The following STK32B variants were observed in gnomAD, a reference collection of about 807,000 sequenced individuals.
The protein encoded by STK32B is serine/threonine-protein kinase 32B.
In STK32B, 43 loss-of-function variants were observed where a neutral mutation model predicts 52.6. That is an observed-to-expected ratio of 0.82 (90% CI 0.64 to 1.05). The LOEUF is 1.05. Ranked by LOEUF, STK32B falls within the 50% of genes least tolerant of loss-of-function variation. The probability of loss-of-function intolerance (pLI) is 0.00; values close to 1 mark genes in which losing one functional copy is unlikely to be tolerated. For synonymous variants in STK32B, 238 were observed against 204.3 expected (o/e 1.17, Z -1.41); for missense variants, 621 against 534.6 (o/e 1.16, Z -1.59).
chr4:5,197,456 A>C (rs1374356331), intron 3 of STK32B, among the ~76,000 whole-genome samples: 1 of 152,324 alleles, frequency 6.6e-6, no homozygotes, highest in Non-Finnish European at 1.5e-5. Context: ...CCAGTCCTTC[A>C]GTCTGTTCCT....
intron 3 of STK32B, among the ~76,000 whole-genome samples, chr4:5,201,895 G>A (rs1013419785): frequency 2.6e-5 from 4 of 152,132 alleles, no homozygotes; most frequent in East Asian, 1.9e-4. Context: ...TGATATTTGG[G>A]TGGGGTCACA....
At position 5,123,896 on chromosome 4, in the gene STK32B, C is replaced by T. The variant is rs77234241; in HGVS notation, c.53-16009C>T. Reference sequence around the variant, plus strand: ...ATCTCCTCATCCTCATGTCATTTCACCTTTTCACCATCCTCCCTCCTGCCT... The same window carrying T: ...ATCTCCTCATCCTCATGTCATTTCATCTTTTCACCATCCTCCCTCCTGCCT... On this transcript the variant is annotated intron_variant, in intron 1 of 11. Transcript: ENST00000282908. Among the ~76,000 whole-genome samples the T allele has an allele frequency of 5.9e-3, 899 of 152,196 alleles. 11 individuals carry two copies. Among genetic ancestry groups the T allele is most frequent in the African/African-American group, 0.02 (844 of 41,532 alleles).
intron 4 of STK32B, among the ~76,000 whole-genome samples, chr4:5,391,698 GA>G (rs1417274683): frequency 6.6e-6 from 1 of 152,208 alleles, no homozygotes; most frequent in Non-Finnish European, 1.5e-5. Flanking sequence ...AAGGCCTTTG[GA>G]ATCTGGCCAT....
chr4:5,409,155 C>G (rs1209081826), intron 5 of STK32B, among the ~76,000 whole-genome samples: 1 of 152,118 alleles, frequency 6.6e-6, no homozygotes, highest in Non-Finnish European at 1.5e-5. Context: ...CATGAAGTCT[C>G]ACCTGAGTGC....
intron 1 of STK32B, among the ~76,000 whole-genome samples, chr4:5,112,196 A>C (rs1359664361): frequency 6.6e-6 from 1 of 152,168 alleles, no homozygotes; most frequent in African/African-American, 2.4e-5. Context: ...GGATTGAAAC[A>C]GTAAGGATAG....
chr4:5,357,346 G>A (rs1734255815), intron 4 of STK32B, among the ~76,000 whole-genome samples: 1 of 133,278 alleles, frequency 7.5e-6, no homozygotes, highest in Admixed American at 7.6e-5. Context: ...TACGCTTTGA[G>A]CACTACCATG....
At chr4:5,495,636 G>T (rs1279079850) in intron 11 of STK32B, among the ~76,000 whole-genome samples, 1 of 152,154 alleles carries the variant, frequency 6.6e-6, no homozygotes, top group Non-Finnish European at 1.5e-5. Context: ...CATTCCTTTG[G>T]AGGAGGAGAG....
chr4:5,419,265 A>C (rs146323974), intron 6 of STK32B, among the ~76,000 whole-genome samples: 13 of 152,332 alleles, frequency 8.5e-5, no homozygotes, highest in African/African-American at 2.6e-4. Flanking sequence ...AATCTAAGGC[A>C]GCTTGCTATC....
At chr4:5,223,584 C>T (rs373110850) in intron 3 of STK32B, among the ~76,000 whole-genome samples, 9 of 151,994 alleles carry the variant, frequency 5.9e-5, no homozygotes, top group South Asian at 2.1e-4. Context: ...GAGGCTGAGG[C>T]GGGCGAATCA....
At chr4:5,298,484 C>G (rs1187786009) in intron 3 of STK32B, among the ~76,000 whole-genome samples, 3 of 152,090 alleles carry the variant, frequency 2.0e-5, no homozygotes, top group Admixed American at 6.5e-5. Flanking sequence ...TTGCCCTGCC[C>G]GGTGAGGAGG....
intron 3 of STK32B, among the ~76,000 whole-genome samples, chr4:5,243,391 G>A (rs1383808920): frequency 6.6e-6 from 1 of 152,152 alleles, no homozygotes; most frequent in Non-Finnish European, 1.5e-5. Context: ...TCTGTTATTG[G>A]TGTATAAGAA....
At chr4:5,066,691 C>T (rs1742437154) in intron 1 of STK32B, among the ~76,000 whole-genome samples, 1 of 152,164 alleles carries the variant, frequency 6.6e-6, no homozygotes, top group African/African-American at 2.4e-5. Flanking sequence ...GCTATTTCTT[C>T]CTCTTGTAAT....
chr4:5,369,786 TTTCAATCATGATCC>T (rs1441059155), intron 4 of STK32B, among the ~76,000 whole-genome samples: 1 of 152,212 alleles, frequency 6.6e-6, no homozygotes, highest in East Asian at 1.9e-4. Flanking sequence ...AACATGAGGA[TTTCAATCATGATCC>T]TATTAGGTGC....
chr4:5,061,324 C>T (rs1742208628), intron 1 of STK32B, among the ~76,000 whole-genome samples: 2 of 152,056 alleles, frequency 1.3e-5, no homozygotes, highest in Admixed American at 1.3e-4. Flanking sequence ...CTAGAATTGT[C>T]CGTCGGTTCT....
chr4:5,471,177 C>A (rs1024912338), intron 11 of STK32B, among the ~76,000 whole-genome samples: 1 of 152,226 alleles, frequency 6.6e-6, no homozygotes, highest in Admixed American at 6.5e-5. Flanking sequence ...AGATACTGCA[C>A]CTGCTGCAGG....
At chr4:5,159,533 G>GTA (rs1553840271) in intron 2 of STK32B, among the ~76,000 whole-genome samples, 8 of 111,358 alleles carry the variant, frequency 7.2e-5, no homozygotes, top group African/African-American at 2.5e-4. Flanking sequence ...TGATATATAT[G>GTA]TATATATGTA....
intron 7 of STK32B, among the ~76,000 whole-genome samples, chr4:5,454,667 C>T (rs952498489): frequency 2.0e-5 from 3 of 152,064 alleles, no homozygotes; most frequent in African/African-American, 7.2e-5. Flanking sequence ...CACTGCCTGG[C>T]CTTTCACCTC....
At chr4:5,181,983 A>G (rs988548168) in intron 3 of STK32B, among the ~76,000 whole-genome samples, 2 of 152,238 alleles carry the variant, frequency 1.3e-5, no homozygotes, top group Non-Finnish European at 2.9e-5. Context: ...TCAATCCTTT[A>G]AAACTCTGCT....
At chr4:5,142,071 G>T (rs531976568) in intron 2 of STK32B, among the ~76,000 whole-genome samples, 1 of 152,190 alleles carries the variant, frequency 6.6e-6, no homozygotes, top group South Asian at 2.1e-4. Flanking sequence ...GAGCTCTTCC[G>T]GTAGAGAAGG....
Sources: gnomAD v4.1 joint callset for allele counts (sites outside exome capture counted in the v4.1 genomes callset) on GRCh38, gnomAD v4.1.1 for gene constraint, MANE v1.5 for transcripts, NCBI Gene and HGNC (gene_info 2026-07-23, HGNC 2026-07-21) for gene names.